Variants in ATXN1 observed in about 807,000 individuals in gnomAD.
ATXN1 encodes ataxin 1, also known as ataxin-1.
A neutral mutation model predicts 56.4 loss-of-function variants in ATXN1; 8 were observed. That is an observed-to-expected ratio of 0.14 (90% CI 0.08 to 0.26). The LOEUF is 0.26. Ranked by LOEUF, ATXN1 falls within the 10% of genes least tolerant of loss-of-function variation. The pLI is 1.00. For synonymous variants in ATXN1, 514 were observed against 494.6 expected, an observed-to-expected ratio of 1.04 and a Z score of -0.52; for missense variants, 987 against 1,106.5, an observed-to-expected ratio of 0.89 and a Z score of 1.53.
At chr6:16,583,728 T>C (rs1762568598) in intron 4 of ATXN1, among the ~76,000 whole-genome samples, 1 of 152,150 alleles carries the variant, frequency 6.6e-6, no homozygotes. Flanking sequence ...TTCAAAGCTC[T>C]GTGAAAAATG....
intron 6 of ATXN1, among the ~76,000 whole-genome samples, chr6:16,391,902 G>A (rs1270742222): frequency 6.6e-6 from 1 of 152,200 alleles, no homozygotes; most frequent in Non-Finnish European, 1.5e-5. Context: ...GCAGCCTGAT[G>A]TTTCCTCCTG....
chr6:16,533,914 T>G (rs1761549953), intron 4 of ATXN1, among the ~76,000 whole-genome samples: 1 of 152,158 alleles, frequency 6.6e-6, no homozygotes, highest in Non-Finnish European at 1.5e-5. Context: ...GTATCATCCT[T>G]GCAAAAGTCA....
At chr6:16,670,195 G>A (rs544360921) in intron 2 of ATXN1, among the ~76,000 whole-genome samples, 34 of 152,178 alleles carry the variant, frequency 2.2e-4, no homozygotes, top group African/African-American at 7.9e-4. Context: ...CTATTTCCTG[G>A]TTATGCTACT....
At chr6:16,341,961 C>T (rs1342202328) in intron 6 of ATXN1, among the ~76,000 whole-genome samples, 1 of 146,282 alleles carries the variant, frequency 6.8e-6, no homozygotes, top group Non-Finnish European at 1.5e-5. Flanking sequence ...CGGCTCACTG[C>T]ACCTCCCAGG....
Position 16,299,869 on chromosome 6 carries a change from AC to A in ATXN1, c.*6459del, listed in dbSNP as rs1272974616. ...GGGCAGTATTCACAGAACTGAATGCACAGGTATCAAGTTCAAATGCACTAAC... is the reference window on the plus strand; with the variant it reads ...GGGCAGTATTCACAGAACTGAATGCAAGGTATCAAGTTCAAATGCACTAAC... On this transcript the variant is annotated 3_prime_UTR_variant, in exon 8 of 8. Coordinates refer to ENST00000436367, the MANE Select transcript of ATXN1 (RefSeq NM_001128164.2). 6.5e-6 allele frequency: 1 copy of A among 152,696 alleles called. No individual in the cohort carries two copies. Among genetic ancestry groups the A allele is most frequent in the African/African-American group, 2.4e-5 (1 of 41,476 alleles). 9.5% of individuals were successfully genotyped at this position (152,696 alleles called of 1,614,324 possible). A position where few individuals can be genotyped will look rare whatever the true frequency, so the allele number is the denominator to read the frequency against.
intron 6 of ATXN1, among the ~76,000 whole-genome samples, chr6:16,414,187 T>C (rs1418547930): frequency 6.6e-6 from 1 of 152,318 alleles, no homozygotes; most frequent in East Asian, 1.9e-4. Context: ...TGTTAGACAC[T>C]TGGTACAGGA....
intron 5 of ATXN1, among the ~76,000 whole-genome samples, chr6:16,520,917 G>A (rs181680740): frequency 6.6e-6 from 1 of 152,308 alleles, no homozygotes; most frequent in Admixed American, 6.5e-5. Context: ...ATGTACATAA[G>A]GAGATGATCA....
chr6:16,315,415 TCTCA>T (rs1421839614), intron 7 of ATXN1, among the ~76,000 whole-genome samples: 5 of 152,154 alleles, frequency 3.3e-5, no homozygotes, highest in African/African-American at 4.8e-5. Flanking sequence ...CCAAGCTGCA[TCTCA>T]CTCGCTCGGT....
At chr6:16,479,811 A>G (rs1384732650) in intron 6 of ATXN1, among the ~76,000 whole-genome samples, 1 of 152,142 alleles carries the variant, frequency 6.6e-6, no homozygotes, top group East Asian at 1.9e-4. Flanking sequence ...GCTGGGAGGC[A>G]TCATTCTTTA....
At chr6:16,383,770 A>G (rs1758183250) in intron 6 of ATXN1, among the ~76,000 whole-genome samples, 1 of 152,236 alleles carries the variant, frequency 6.6e-6, no homozygotes, top group African/African-American at 2.4e-5. Context: ...CCTTTGGCCA[A>G]TGAAGTAAAG....
At chr6:16,516,660 T>A (rs1287694137) in intron 5 of ATXN1, among the ~76,000 whole-genome samples, 1 of 152,224 alleles carries the variant, frequency 6.6e-6, no homozygotes. Flanking sequence ...GGTTGACCTT[T>A]CTGCAACAAA....
At chr6:16,502,617 A>G (rs1162765064) in intron 5 of ATXN1, among the ~76,000 whole-genome samples, 1 of 152,200 alleles carries the variant, frequency 6.6e-6, no homozygotes, top group African/African-American at 2.4e-5. Context: ...ATTTCCCACA[A>G]AGTTCAATCC....
intron 6 of ATXN1, among the ~76,000 whole-genome samples, chr6:16,355,844 G>A (rs1249560149): frequency 1.3e-5 from 2 of 151,912 alleles, no homozygotes; most frequent in Non-Finnish European, 2.9e-5. Context: ...GATTACAGGC[G>A]TGAGGCACCA....
intron 7 of ATXN1, among the ~76,000 whole-genome samples, chr6:16,307,224 G>A (rs1419296009): frequency 6.6e-6 from 1 of 152,238 alleles, no homozygotes; most frequent in Non-Finnish European, 1.5e-5. Flanking sequence ...CTCTGCAGGT[G>A]GCTCACAAGC....
At chr6:16,334,542 C>A (rs778173258) in intron 6 of ATXN1, among the ~76,000 whole-genome samples, 2 of 152,070 alleles carry the variant, frequency 1.3e-5, no homozygotes, top group Non-Finnish European at 2.9e-5. Flanking sequence ...ATATCGAGAT[C>A]CTGTCTCTAC....
intron 4 of ATXN1, among the ~76,000 whole-genome samples, chr6:16,523,605 C>A (rs1477844626): frequency 6.6e-6 from 1 of 152,198 alleles, no homozygotes; most frequent in African/African-American, 2.4e-5. Context: ...GTACCCCATT[C>A]CTGCACTTTG....
At chr6:16,520,338 T>C (rs1761263028) in intron 5 of ATXN1, among the ~76,000 whole-genome samples, 1 of 152,198 alleles carries the variant, frequency 6.6e-6, no homozygotes, top group Admixed American at 6.5e-5. Flanking sequence ...TTTTTTCTCA[T>C]TTGGTAAAAT....
At chr6:16,393,038 T>C (rs1358357007) in intron 6 of ATXN1, among the ~76,000 whole-genome samples, 2 of 152,208 alleles carry the variant, frequency 1.3e-5, no homozygotes, top group Non-Finnish European at 2.9e-5. Flanking sequence ...AGAACCATTT[T>C]CTTTTAAGAA....
Position 16,725,867 on chromosome 6 carries a change from C to T in ATXN1, c.-615+27366G>A, listed in dbSNP as rs933604583. On this transcript the variant is annotated intron_variant, in intron 2 of 7. Coordinates refer to ENST00000436367, the MANE Select transcript of ATXN1 (RefSeq NM_001128164.2). ...ACAGACCTTTTTAATCAATTCAGATCCAAGTACACAAGGAACAAGTGCATA... is the reference window on the plus strand; with the variant it reads ...ACAGACCTTTTTAATCAATTCAGATTCAAGTACACAAGGAACAAGTGCATA... Among the ~76,000 whole-genome samples, 7 of 152,280 alleles carry T rather than the reference C, an allele frequency of 4.6e-5. No individual in the cohort carries two copies. In the South Asian group the frequency reaches 1.5e-3, roughly 32 times the overall value.
Sources: allele counts gnomAD v4.1 joint callset (sites outside exome capture counted in the v4.1 genomes callset), GRCh38; gene constraint gnomAD v4.1.1; transcripts MANE v1.5; gene names NCBI Gene and HGNC (gene_info 2026-07-23, HGNC 2026-07-21).